CNOT2: variants seen among roughly 807,000 people sequenced by gnomAD.
CNOT2 encodes CC chemokine receptor 4-negative regulator of transcription 2.
CNOT2 carries 7 observed loss-of-function variants against 72.1 expected under a neutral mutation model. That is an observed-to-expected ratio of 0.10 (90% CI 0.06 to 0.18). The LOEUF (loss-of-function observed/expected upper bound fraction) is 0.18, where lower values mean the gene tolerates loss of function less well. Among genes scored for constraint, CNOT2 ranks in the 10% least tolerant of loss-of-function variants. The probability of loss-of-function intolerance (pLI) is 1.00; values close to 1 mark genes in which losing one functional copy is unlikely to be tolerated. For synonymous variants in CNOT2, 196 were observed against 225.6 expected (o/e 0.87, Z 1.17); for missense variants, 345 against 660.3 (o/e 0.52, Z 5.23).
intron 1 of CNOT2, among the ~76,000 whole-genome samples, chr12:70,252,701 G>C (rs1223949663): frequency 6.6e-6 from 1 of 152,026 alleles, no homozygotes. Context: ...CCGTTGTACT[G>C]TTTTCAATTG....
At chr12:70,349,484 T>C (rs1300850435) in intron 15 of CNOT2, among the ~76,000 whole-genome samples, 1 of 152,196 alleles carries the variant, frequency 6.6e-6, no homozygotes, top group Non-Finnish European at 1.5e-5. Flanking sequence ...TACACCATAA[T>C]CCTGGAGTCC....
At chr12:70,274,650 A>G (rs955124358) in intron 1 of CNOT2, among the ~76,000 whole-genome samples, 73 of 152,180 alleles carry the variant, frequency 4.8e-4, no homozygotes, top group African/African-American at 1.7e-3. Context: ...GAAAAAGTTA[A>G]AAAAGATTCA....
intron 15 of CNOT2, among the ~76,000 whole-genome samples, chr12:70,348,555 T>C (rs1189711990): frequency 1.3e-5 from 2 of 152,182 alleles, no homozygotes; most frequent in Non-Finnish European, 2.9e-5. Context: ...AATTTGAACA[T>C]TTTTGCTCAA....
chr12:70,292,906 AC>A (rs1872161753), intron 2 of CNOT2, among the ~76,000 whole-genome samples: 1 of 152,198 alleles, frequency 6.6e-6, no homozygotes, highest in African/African-American at 2.4e-5. Flanking sequence ...CTAAAGGAAT[AC>A]TTTTCATTTT....
Position 70,354,108 on chromosome 12 carries a change from T to A in CNOT2, c.*193T>A. ...TACTAATTATGTGCTGCCCAACAAC[T>A]AAATTTGTAATTTGTTTTTCTCTAG... On this transcript the variant is annotated 3_prime_UTR_variant, in exon 16 of 16. Transcript: ENST00000229195. 1 of 1,036,906 alleles carries A rather than the reference T, an allele frequency of 9.6e-7. No individual in the cohort carries two copies. Among genetic ancestry groups the A allele is most frequent in the Non-Finnish European group, 1.3e-6 (1 of 784,342 alleles). The allele number at this position is 1,036,906 out of a possible 1,614,324, so 64.2% of individuals were successfully genotyped here. A position where few individuals can be genotyped will look rare whatever the true frequency, so the allele number is the denominator to read the frequency against.
rs1273318871 is a variant in CNOT2 at position 70,298,679 on chromosome 12, G to A, written c.49-12216G>A. Among the ~76,000 whole-genome samples the A allele has an allele frequency of 9.3e-5, 14 of 150,828 alleles. No individual in the cohort carries two copies. The Admixed American group carries it at 9.3e-4, about 10-fold the overall frequency. ...CCTAATTTAGTGTGAAAGTTTCAAA[G>A]AATGGGAGAAAGGGCATTTTAAGTA... On this transcript the variant is annotated intron_variant, in intron 2 of 15. Transcript: ENST00000229195.
intron 1 of CNOT2, among the ~76,000 whole-genome samples, chr12:70,254,525 G>A (rs548732226): frequency 3.3e-5 from 5 of 152,150 alleles, no homozygotes; most frequent in East Asian, 1.9e-4. Context: ...TTTGTACTGC[G>A]GTTCACCATG....
At chr12:70,343,344 G>A (rs975999100) in intron 13 of CNOT2, among the ~76,000 whole-genome samples, 1 of 152,130 alleles carries the variant, frequency 6.6e-6, no homozygotes, top group African/African-American at 2.4e-5. Context: ...AGATAAAAAT[G>A]TTGTTTTGGG....
intron 15 of CNOT2, among the ~76,000 whole-genome samples, chr12:70,350,950 G>A (rs776594746): frequency 5.3e-5 from 8 of 152,046 alleles, no homozygotes; most frequent in Non-Finnish European, 8.8e-5. Context: ...AATATTATTT[G>A]ACTATATGAA....
At chr12:70,318,501 T>C (rs898715424) in intron 3 of CNOT2, among the ~76,000 whole-genome samples, 2 of 151,924 alleles carry the variant, frequency 1.3e-5, no homozygotes, top group Non-Finnish European at 2.9e-5. Flanking sequence ...GTTACACTTA[T>C]ACTCACTGCA....
chr12:70,251,559 A>T (rs1431528056), intron 1 of CNOT2, among the ~76,000 whole-genome samples: 1 of 152,210 alleles, frequency 6.6e-6, no homozygotes, highest in East Asian at 1.9e-4. Flanking sequence ...AAAAAAAGCC[A>T]GTGAGATTGA....
At chr12:70,294,380 G>A in intron 2 of CNOT2, 2 of 827,294 alleles carry the variant, frequency 2.4e-6, no homozygotes, top group Admixed American at 2.5e-5. Flanking sequence ...TTATCAATGA[G>A]TCATTTTGTT....
At chr12:70,337,232 A>G (rs1331669283) in intron 8 of CNOT2, 157 bp from the exon 9 acceptor site, 1 of 529,712 alleles carries the variant, frequency 1.9e-6, no homozygotes, top group Middle Eastern at 5.1e-4. Flanking sequence ...TTAGTTCTTC[A>G]TTGTTACCCT....
In CNOT2 at chr12:70,353,894, C is replaced by A; in HGVS notation, c.1602C>A (p.Asn534Lys). Residue 534 changes from asparagine to lysine, a missense_variant, in exon 16 of 16, where the codon AAC (asparagine) becomes AAA (lysine). Asn to Lys is a moderately conservative substitution (Grantham distance 94). Coordinates refer to ENST00000229195, the MANE Select transcript of CNOT2 (RefSeq NM_014515.7). Reference protein sequence around the residue: ...RPHLPSTFNYNPAQQAF With the variant: ...RPHLPSTFNYKPAQQAF ...ACCTGCCATCCACCTTCAACTACAA[C>A]CCTGCTCAGCAAGCCTTCTAAAAAA... The A allele has an allele frequency of 6.3e-7, 1 of 1,596,568 alleles. No individual in the cohort carries two copies. Among genetic ancestry groups the A allele is most frequent in the Non-Finnish European group, 8.5e-7 (1 of 1,174,448 alleles).
intron 1 of CNOT2, among the ~76,000 whole-genome samples, chr12:70,262,754 A>G (rs1057001677): frequency 1.3e-5 from 2 of 149,262 alleles, no homozygotes; most frequent in Admixed American, 6.6e-5. Context: ...GCTCACCGCA[A>G]CCTCTACCTC....
chr12:70,338,557 C>A lies in CNOT2; in HGVS notation c.1015C>A (p.Pro339Thr). 1 of 1,610,086 alleles carries A rather than the reference C, an allele frequency of 6.2e-7. No homozygotes were observed. Among genetic ancestry groups the A allele is most frequent in the Non-Finnish European group, 8.5e-7 (1 of 1,178,764 alleles). ...GCAGAAAAAAGGGATCCAGGTGTTA[C>A]CTGATGGTGGGACTCTAGAAATCTA... ...NQQKKGIQVL[P>T]DGRVTNIPQG... The change falls in exon 10 of 16, where the codon CCT becomes ACT. Residue 339 changes from proline to threonine, a missense_variant. This residue lies in a region of CNOT2 where 128 missense variants were observed against 233.0 expected (regional missense o/e 0.55). Coordinates refer to ENST00000229195, the MANE Select transcript of CNOT2 (RefSeq NM_014515.7).
chr12:70,252,978 G>A (rs1004325931), intron 1 of CNOT2, among the ~76,000 whole-genome samples: 10 of 152,108 alleles, frequency 6.6e-5, no homozygotes, highest in South Asian at 2.1e-4. Flanking sequence ...TATCAGATTC[G>A]TAAATGTAAA....
At chr12:70,329,616 G>C in intron 5 of CNOT2, 46 bp downstream of exon 5, 2 of 1,424,962 alleles carry the variant, frequency 1.4e-6, no homozygotes, top group South Asian at 2.3e-5. Flanking sequence ...TATCTTGGTA[G>C]AGTAAACAAA....
intron 2 of CNOT2, among the ~76,000 whole-genome samples, chr12:70,305,187 C>T (rs906479096): frequency 3.9e-5 from 6 of 152,382 alleles, no homozygotes; most frequent in African/African-American, 1.4e-4. Context: ...CCCGCACCCA[C>T]TGTCCGGCAC....
Sources: allele counts gnomAD v4.1 joint callset (sites outside exome capture counted in the v4.1 genomes callset), GRCh38; gene constraint gnomAD v4.1.1; regional missense constraint gnomAD v4.1.1; transcripts MANE v1.5; gene names NCBI Gene and HGNC (gene_info 2026-07-23, HGNC 2026-07-21).